The following MLIP variants were observed in gnomAD, a reference collection of about 807,000 sequenced individuals.
The protein encoded by MLIP is muscular LMNA-interacting protein.
MLIP carries 79 observed loss-of-function variants against 84.8 expected under a neutral mutation model. The ratio of observed to expected loss-of-function variants is 0.93; its 90% CI spans 0.78 to 1.12. The LOEUF is 1.12. Ranked by LOEUF, MLIP falls within the 50% of genes most tolerant of loss-of-function variation. The probability of loss-of-function intolerance (pLI) is 0.00; values close to 1 mark genes in which losing one functional copy is unlikely to be tolerated. For synonymous variants in MLIP, 504 were observed against 463.0 expected, an observed-to-expected ratio of 1.09 and a Z score of -1.14; for missense variants, 1,257 against 1,160.6, an observed-to-expected ratio of 1.08 and a Z score of -1.21.
intron 3 of MLIP, among the ~76,000 whole-genome samples, chr6:54,127,618 T>C (rs1174268358): frequency 3.3e-5 from 5 of 152,086 alleles, no homozygotes; most frequent in Non-Finnish European, 5.9e-5. Context: ...GATTGTAAAG[T>C]TTTTACAGGT....
intron 12 of MLIP, among the ~76,000 whole-genome samples, chr6:54,232,182 T>C (rs1435448639): frequency 6.6e-6 from 1 of 152,124 alleles, no homozygotes; most frequent in African/African-American, 2.4e-5. Flanking sequence ...AGCCATGAAA[T>C]ACATTTAGTT....
chr6:54,074,605 G>A (rs986789608), intron 1 of MLIP, among the ~76,000 whole-genome samples: 6 of 151,990 alleles, frequency 3.9e-5, no homozygotes, highest in South Asian at 2.1e-4. Flanking sequence ...CTCTTGTGCC[G>A]GTGTTTAACA....
chr6:54,028,681 C>A (rs1482063910), intron 1 of MLIP, among the ~76,000 whole-genome samples: 1 of 152,134 alleles, frequency 6.6e-6, no homozygotes, highest in East Asian at 1.9e-4. Flanking sequence ...CCCAGCAATC[C>A]TTTGCCTACA....
rs1181536930 is a variant in MLIP at position 54,137,983 on chromosome 6, T to A, written c.1914T>A (p.Pro638=). The part of the protein sequence containing the change: ...SSQLSGQELN[P]SALPSLPVSS... ...AACTATCTGGCCAGGAGCTGAATCCTTCAGCTCTTCCTTCACTCCCTGTCT... is the reference window on the plus strand; with the variant it reads ...AACTATCTGGCCAGGAGCTGAATCCATCAGCTCTTCCTTCACTCCCTGTCT... The change falls in exon 4 of 14, where the codon CCT becomes CCA. Residue 638 remains proline, a synonymous_variant. Transcript: ENST00000502396. The A allele has an allele frequency of 1.3e-6, 2 of 1,536,104 alleles. No homozygotes were observed. Among genetic ancestry groups the A allele is most frequent in the Admixed American group, 3.9e-5 (2 of 50,996 alleles).
intron 11 of MLIP, among the ~76,000 whole-genome samples, chr6:54,212,849 T>A (rs1779560062): frequency 6.6e-6 from 1 of 152,260 alleles, no homozygotes; most frequent in African/African-American, 2.4e-5. Flanking sequence ...AGTGGTTTTT[T>A]AAAGGGTCTT....
chr6:54,205,859 C>T (rs919703688), intron 11 of MLIP, among the ~76,000 whole-genome samples: 1 of 152,074 alleles, frequency 6.6e-6, no homozygotes, highest in African/African-American at 2.4e-5. Context: ...AATCTTCACT[C>T]GTTATTCAGT....
intron 1 of MLIP, among the ~76,000 whole-genome samples, chr6:54,072,672 C>T (rs1766558062): frequency 6.6e-6 from 1 of 152,106 alleles, no homozygotes; most frequent in South Asian, 2.1e-4. Flanking sequence ...CTGCTTGAAG[C>T]TTACTGTGAT....
intron 1 of MLIP, among the ~76,000 whole-genome samples, chr6:54,060,979 C>A (rs1765931098): frequency 6.7e-6 from 1 of 149,194 alleles, no homozygotes; most frequent in Non-Finnish European, 1.5e-5. Context: ...TCAAGTTTTA[C>A]TGTTTCTTTT....
chr6:54,054,426 A>G (rs1393906375), intron 1 of MLIP, among the ~76,000 whole-genome samples: 1 of 86,560 alleles, frequency 1.2e-5, no homozygotes, highest in African/African-American at 3.5e-5. Flanking sequence ...TGGGGAAAAA[A>G]AGGCAAAAAA....
At chr6:54,183,772 G>A (rs897418661) in intron 9 of MLIP, among the ~76,000 whole-genome samples, 1 of 130,580 alleles carries the variant, frequency 7.7e-6, no homozygotes, top group Non-Finnish European at 1.6e-5. Flanking sequence ...TTGAGACAGA[G>A]TCTCTCTCTG....
intron 10 of MLIP, among the ~76,000 whole-genome samples, chr6:54,201,174 T>C (rs1778651531): frequency 6.6e-6 from 1 of 152,236 alleles, no homozygotes; most frequent in South Asian, 2.1e-4. Flanking sequence ...AGAGTTCTCC[T>C]GCCTCTCTTT....
chr6:54,243,726 G>A (rs549329779), intron 12 of MLIP, among the ~76,000 whole-genome samples: 1 of 152,104 alleles, frequency 6.6e-6, no homozygotes, highest in African/African-American at 2.4e-5. Context: ...TCAATAAAGT[G>A]GCATTACCAC....
intron 1 of MLIP, among the ~76,000 whole-genome samples, chr6:54,091,634 T>TA (rs1233444989): frequency 6.6e-6 from 1 of 152,106 alleles, no homozygotes; most frequent in African/African-American, 2.4e-5. Context: ...TACTGCCAGG[T>TA]AAATCTAGCC....
At chr6:54,133,936 G>T (rs927716597) in intron 3 of MLIP, among the ~76,000 whole-genome samples, 3 of 152,108 alleles carry the variant, frequency 2.0e-5, no homozygotes, top group Non-Finnish European at 4.4e-5. Flanking sequence ...CATGGTCATT[G>T]GTAGCTCTAG....
chr6:54,060,233 A>G (rs763441056), intron 1 of MLIP, among the ~76,000 whole-genome samples: 10 of 152,370 alleles, frequency 6.6e-5, no homozygotes, highest in African/African-American at 1.4e-4. Flanking sequence ...TGACAATATT[A>G]TATGATGTTA....
At chr6:54,158,908 G>A (rs777688490) in intron 5 of MLIP, among the ~76,000 whole-genome samples, 5 of 151,772 alleles carry the variant, frequency 3.3e-5, no homozygotes, top group East Asian at 1.9e-4. Flanking sequence ...TGACAACCCC[G>A]CTTTTTAATT....
chr6:54,102,284 T>G (rs1468429725), intron 1 of MLIP, among the ~76,000 whole-genome samples: 1 of 152,158 alleles, frequency 6.6e-6, no homozygotes, highest in Non-Finnish European at 1.5e-5. Flanking sequence ...ATATTAAATA[T>G]CAAGAGCAGT....
intron 1 of MLIP, among the ~76,000 whole-genome samples, chr6:54,071,364 C>A (rs191623954): frequency 6.6e-6 from 1 of 152,098 alleles, no homozygotes; most frequent in East Asian, 1.9e-4. Flanking sequence ...AGGCTATATT[C>A]ATATTGCATA....
chr6:54,063,746 G>A (rs1372509537), intron 1 of MLIP, among the ~76,000 whole-genome samples: 8 of 151,710 alleles, frequency 5.3e-5, no homozygotes, highest in African/African-American at 1.9e-4. Context: ...GTGTGTGTGT[G>A]TGTGTGTGTG....
Sources: allele counts gnomAD v4.1 joint callset (sites outside exome capture counted in the v4.1 genomes callset), GRCh38; gene constraint gnomAD v4.1.1; transcripts MANE v1.5; gene names NCBI Gene and HGNC (gene_info 2026-07-23, HGNC 2026-07-21).